The following GPR137C variants were observed in gnomAD, a reference collection of about 807,000 sequenced individuals.
GPR137C encodes integral membrane protein GPR137C.
Under a neutral mutation model 43.4 loss-of-function variants are expected in GPR137C, and 27 were observed. The observed-to-expected ratio is 0.62, with a 90% CI of 0.46 to 0.86. The LOEUF (loss-of-function observed/expected upper bound fraction) is 0.86, where lower values mean the gene tolerates loss of function less well. Ranked by LOEUF, GPR137C falls within the 40% of genes least tolerant of loss-of-function variation. GPR137C has a pLI of 0.00. For synonymous variants in GPR137C, 285 were observed against 226.9 expected (o/e 1.26, Z -2.30); for missense variants, 522 against 534.6 (o/e 0.98, Z 0.23).
chr14:52,577,512 G>GCACACA (rs1325088914), intron 1 of GPR137C, among the ~76,000 whole-genome samples: 3 of 92,020 alleles, frequency 3.3e-5, no homozygotes, highest in African/African-American at 4.4e-5. Context: ...GCGTGCGCGC[G>GCACACA]CGCGCACACA....
At chr14:52,601,225 A>G (rs147702873) in intron 3 of GPR137C, among the ~76,000 whole-genome samples, 3 of 152,288 alleles carry the variant, frequency 2.0e-5, no homozygotes, top group East Asian at 1.9e-4. Flanking sequence ...AATCACTTCC[A>G]CAGGAGAGCT....
At chr14:52,567,107 C>T (rs559856560) in intron 1 of GPR137C, among the ~76,000 whole-genome samples, 9 of 151,522 alleles carry the variant, frequency 5.9e-5, no homozygotes, top group Middle Eastern at 6.8e-3. Flanking sequence ...AGTGAGACAC[C>T]GTCTGAAAAA....
rs1362407836 is a variant in GPR137C at position 52,635,103 on chromosome 14, A to G, written c.1278A>G (p.Thr426=). Residue 426 remains threonine, a synonymous_variant, in exon 7 of 7, where the codon ACA becomes ACG. Transcript: ENST00000321662. ...ACAATCATCATAGCTTATATGTGAC[A>G]CCACAAAACTGACAGCATCACCAAG... is the stretch of plus-strand genomic sequence containing the variant. The part of the protein sequence containing the change: ...DLNNHHSLYV[T]PQN 6.4e-7 allele frequency: 1 copy of G among 1,566,002 alleles called. No individual in the cohort carries two copies. The highest frequency in any genetic ancestry group is 1.4e-5 in the African/African-American group (1 of 72,250).
chr14:52,559,069 CAT>C (rs1463571157), intron 1 of GPR137C, among the ~76,000 whole-genome samples: 5 of 152,128 alleles, frequency 3.3e-5, no homozygotes, highest in African/African-American at 2.4e-5. Context: ...TTTGTGAAAA[CAT>C]ATTTAAAGTA....
intron 1 of GPR137C, among the ~76,000 whole-genome samples, chr14:52,558,275 TAAAA>T (rs2038225839): frequency 6.6e-6 from 1 of 152,110 alleles, no homozygotes; most frequent in Admixed American, 6.5e-5. Flanking sequence ...TGAGGTCTTA[TAAAA>T]GACTTCATCC....
At chr14:52,603,605 G>A (rs923011996) in intron 3 of GPR137C, among the ~76,000 whole-genome samples, 2 of 152,090 alleles carry the variant, frequency 1.3e-5, no homozygotes, top group Non-Finnish European at 2.9e-5. Context: ...CGCACTCTTG[G>A]TTCGCTGCAA....
intron 1 of GPR137C, among the ~76,000 whole-genome samples, chr14:52,577,479 T>A (rs1566608239): frequency 6.7e-6 from 1 of 149,178 alleles, no homozygotes; most frequent in Non-Finnish European, 1.5e-5. Context: ...CAGAACTGAA[T>A]GAAATTGAGA....
chr14:52,615,708 A>G (rs943484091), intron 3 of GPR137C, among the ~76,000 whole-genome samples: 1 of 152,098 alleles, frequency 6.6e-6, no homozygotes. Flanking sequence ...TTAGATATTT[A>G]ATTTTATTTG....
chr14:52,633,143 G>A (rs1209396149), intron 4 of GPR137C, among the ~76,000 whole-genome samples: 1 of 151,956 alleles, frequency 6.6e-6, no homozygotes, highest in Non-Finnish European at 1.5e-5. Context: ...GACTTAACAT[G>A]TTACATTTTT....
Position 52,553,642 on chromosome 14 carries a change from CG to C in GPR137C, c.444+54del, listed in dbSNP as rs2038136023. 5.1e-6 allele frequency: 7 copies of C among 1,364,894 alleles called. No individual in the cohort carries two copies. The South Asian group carries it at 1.0e-4, about 20-fold the overall frequency. The allele number at this position is 1,364,894 out of a possible 1,614,324, so 84.5% of individuals were successfully genotyped here. A position where few individuals can be genotyped will look rare whatever the true frequency, so the allele number is the denominator to read the frequency against. On this transcript the variant is annotated intron_variant, in intron 1 of 6. Transcript: ENST00000321662. ...GGCCCGGGCGGGTGCGCGGGGCCGC[CG>C]GGATCAACTCCCGCTGAGGACCAGC...
At chr14:52,625,793 A>T (rs2039219171) in intron 3 of GPR137C, among the ~76,000 whole-genome samples, 2 of 151,760 alleles carry the variant, frequency 1.3e-5, no homozygotes, top group African/African-American at 4.8e-5. Context: ...TGATCTTGTG[A>T]TCCACCTACC....
At chr14:52,562,690 A>G (rs2038304662) in intron 1 of GPR137C, among the ~76,000 whole-genome samples, 1 of 152,230 alleles carries the variant, frequency 6.6e-6, no homozygotes, top group Non-Finnish European at 1.5e-5. Flanking sequence ...TTCCAATGGC[A>G]TTTAAGAATA....
At chr14:52,631,684 T>C (rs1423828247) in intron 3 of GPR137C, among the ~76,000 whole-genome samples, 1 of 152,106 alleles carries the variant, frequency 6.6e-6, no homozygotes, top group Non-Finnish European at 1.5e-5. Context: ...GTAGCATCAA[T>C]AGGGGACTAA....
chr14:52,623,713 C>T (rs1167344450), intron 3 of GPR137C, among the ~76,000 whole-genome samples: 1 of 151,632 alleles, frequency 6.6e-6, no homozygotes, highest in Non-Finnish European at 1.5e-5. Context: ...TAGTTTCACT[C>T]AGTTCATTTG....
At chr14:52,623,837 T>C (rs955240038) in intron 3 of GPR137C, among the ~76,000 whole-genome samples, 3 of 152,078 alleles carry the variant, frequency 2.0e-5, no homozygotes, top group East Asian at 1.9e-4. Context: ...TGCTAAAATA[T>C]ATAACACAAA....
chr14:52,634,081 G>C, intron 6 of GPR137C, 135 bp downstream of exon 6: 1 of 633,906 alleles, frequency 1.6e-6, no homozygotes, highest in Non-Finnish European at 2.8e-6. Context: ...CAATACTGGA[G>C]TTTAAAGCAG....
At chr14:52,575,536 T>G (rs552653401) in intron 1 of GPR137C, among the ~76,000 whole-genome samples, 10 of 152,366 alleles carry the variant, frequency 6.6e-5, no homozygotes, top group Admixed American at 5.2e-4. Context: ...CTTTGATTTC[T>G]TAATACATTT....
chr14:52,592,024 G>C (rs1308148244), intron 1 of GPR137C, among the ~76,000 whole-genome samples: 1 of 152,180 alleles, frequency 6.6e-6, no homozygotes, highest in African/African-American at 2.4e-5. Flanking sequence ...AAAGGATCCA[G>C]TTTCAGCTTT....
intron 3 of GPR137C, among the ~76,000 whole-genome samples, chr14:52,608,399 A>G (rs1220588052): frequency 1.3e-5 from 2 of 152,164 alleles, no homozygotes; most frequent in Non-Finnish European, 2.9e-5. Flanking sequence ...CATTAGCTCC[A>G]TTCTCTTCCC....
Sources: gnomAD v4.1 joint callset for allele counts (sites outside exome capture counted in the v4.1 genomes callset) on GRCh38, gnomAD v4.1.1 for gene constraint, MANE v1.5 for transcripts, NCBI Gene and HGNC (gene_info 2026-07-23, HGNC 2026-07-21) for gene names.